MEF2B: variants seen among roughly 807,000 people sequenced by gnomAD.
The protein encoded by MEF2B is myocyte-specific enhancer factor 2B.
A neutral mutation model predicts 32.2 loss-of-function variants in MEF2B; 15 were observed. The observed-to-expected ratio is 0.47, with a 90% CI of 0.31 to 0.72. The LOEUF (loss-of-function observed/expected upper bound fraction) is 0.72, where lower values mean the gene tolerates loss of function less well. MEF2B is among the 30% of genes least tolerant of loss of function. The pLI is 0.05. For missense variants in MEF2B, 441 were observed against 511.5 expected (o/e 0.86, Z 1.33); for synonymous variants, 205 against 225.6 (o/e 0.91, Z 0.82).
chr19:19,150,174 G>GGAA (rs2060063013), intron 2 of MEF2B, among the ~76,000 whole-genome samples: 1 of 108,672 alleles, frequency 9.2e-6, no homozygotes, highest in Non-Finnish European at 1.9e-5. Flanking sequence ...GAGGGAAGGA[G>GGAA]GGAGGGAGGG....
At chr19:19,157,436 C>T (rs368870049) in intron 1 of MEF2B, among the ~76,000 whole-genome samples, 2 of 152,194 alleles carry the variant, frequency 1.3e-5, no homozygotes, top group East Asian at 1.9e-4. Flanking sequence ...GGTGCACTCT[C>T]GCTGCACACA....
Position 19,145,738 on chromosome 19 carries a change from C to T in MEF2B, c.*59G>A, listed in dbSNP as rs759093437. ...GAAGAGGCCTGGAGGGAGGTGGGGTCCCCACGTGCCCTCGCCGTACCTGGC... is the reference window on the plus strand; with the variant it reads ...GAAGAGGCCTGGAGGGAGGTGGGGTTCCCACGTGCCCTCGCCGTACCTGGC... On this transcript the variant is annotated 3_prime_UTR_variant, in exon 9 of 9. Coordinates refer to ENST00000424583, the MANE Select transcript of MEF2B (RefSeq NM_001145785.2). This position sits in a 1 kb window ranked among gnomAD's most constrained non-coding sequence, Gnocchi z 4.6. 137 of 1,558,178 alleles carry T rather than the reference C, an allele frequency of 8.8e-5. 1 individual carries two copies. The highest frequency in any genetic ancestry group is 1.7e-4 in the Middle Eastern group (1 of 5,988).
intron 1 of MEF2B, among the ~76,000 whole-genome samples, chr19:19,151,004 G>A (rs777512035): frequency 6.6e-6 from 1 of 152,226 alleles, no homozygotes; most frequent in Admixed American, 6.5e-5. Context: ...GTGATCCCTA[G>A]CACTTTGGGA....
In MEF2B at chr19:19,147,790, C is replaced by T. The variant is rs1475567233; in HGVS notation, c.301G>A (p.Glu101Lys). 2 of 1,613,832 alleles carry T rather than the reference C, an allele frequency of 1.2e-6. No individual in the cohort carries two copies. The highest frequency in any genetic ancestry group is 1.7e-6 in the Non-Finnish European group (2 of 1,179,992). The stretch of plus-strand genomic sequence containing the variant: ...GGCTCCTCAGGCCCTTCATCCGGCT[C>T]CAGCTCTGGCCCATCGAGGCCAATG... ...RGIGLDGPELEPDEGPEEPGE... is the reference protein window; with the variant it reads ...RGIGLDGPELKPDEGPEEPGE... The change falls in exon 4 of 9, where the codon GAG becomes AAG. Residue 101 changes from glutamate to lysine, a missense_variant. Transcript: ENST00000424583.
chr19:19,158,005 A>G (rs1297187912), intron 1 of MEF2B, among the ~76,000 whole-genome samples: 1 of 151,848 alleles, frequency 6.6e-6, no homozygotes, highest in African/African-American at 2.4e-5. Flanking sequence ...GGGTACACAG[A>G]TATGTTCAGT....
intron 1 of MEF2B, among the ~76,000 whole-genome samples, chr19:19,163,070 C>T (rs2146380162): frequency 6.6e-6 from 1 of 152,304 alleles, no homozygotes; most frequent in Admixed American, 6.5e-5. Flanking sequence ...GGACACCCTT[C>T]TAGGTTTGCC....
chr19:19,168,942 G>A (rs1188204897), intron 1 of MEF2B, among the ~76,000 whole-genome samples: 3 of 151,842 alleles, frequency 2.0e-5, no homozygotes, highest in Admixed American at 6.6e-5. Context: ...CCAGATACTC[G>A]GGAGGCTGAG....
intron 1 of MEF2B, among the ~76,000 whole-genome samples, chr19:19,160,618 G>A (rs907894289): frequency 1.3e-4 from 20 of 150,808 alleles, no homozygotes; most frequent in African/African-American, 4.9e-4. Flanking sequence ...GTGAGAGGCA[G>A]GTGGGTTGGG....
chr19:19,154,921 C>T (rs114981236), intron 1 of MEF2B, among the ~76,000 whole-genome samples: 2,903 of 152,288 alleles, frequency 0.019, 89 homozygotes, highest in African/African-American at 0.066. Context: ...TAGGCCTGTG[C>T]CTTGCACTTT....
chr19:19,152,349 C>G (rs977689164), intron 1 of MEF2B, among the ~76,000 whole-genome samples: 2 of 143,192 alleles, frequency 1.4e-5, no homozygotes, highest in African/African-American at 5.2e-5. Context: ...TCACTGCACT[C>G]CAGCCTGGGT....
At chr19:19,147,869 C>T (rs1377207292) in intron 3 of MEF2B, 37 bp from the exon 4 acceptor site, 1 of 1,590,574 alleles carries the variant, frequency 6.3e-7, no homozygotes, top group Non-Finnish European at 8.6e-7. Context: ...GACCCTTACC[C>T]CTACCCCACC....
chr19:19,165,470 G>T (rs759513059), intron 1 of MEF2B, among the ~76,000 whole-genome samples: 11 of 152,158 alleles, frequency 7.2e-5, no homozygotes, highest in Non-Finnish European at 1.2e-4. Flanking sequence ...GTGGGAGCCA[G>T]GTGGACACAA....
At position 19,145,971 on chromosome 19, in the gene MEF2B, C is replaced by G. The variant is rs1047754097; in HGVS notation, c.933G>C (p.Pro311=). 7.0e-7 allele frequency: 1 copy of G among 1,428,252 alleles called. No individual in the cohort carries two copies. The highest frequency in any genetic ancestry group is 1.5e-5 in the South Asian group (1 of 66,090). The allele number at this position is 1,428,252 out of a possible 1,614,324, so 88.5% of individuals were successfully genotyped here. A position where few individuals can be genotyped will look rare whatever the true frequency, so the allele number is the denominator to read the frequency against. Residue 311 remains proline (P), a synonymous_variant, in exon 9 of 9, where the codon CCG becomes CCC. Transcript: ENST00000424583. This position sits in a 1 kb window ranked among gnomAD's most constrained non-coding sequence, Gnocchi z 4.6. The part of the protein sequence containing the change: ...EEGPPTRGAS[P]PTPPVSIKSE... ...ACTTGATGCTGACTGGGGGGGTCGGCGGGGAGGCGCCGCGGGTTGGGGGAC... is the reference window on the plus strand; with the variant it reads ...ACTTGATGCTGACTGGGGGGGTCGGGGGGGAGGCGCCGCGGGTTGGGGGAC...
intron 1 of MEF2B, among the ~76,000 whole-genome samples, chr19:19,152,387 A>AAAAAAAGAAAAAG (rs1555774946): frequency 3.4e-5 from 5 of 146,684 alleles, no homozygotes; most frequent in African/African-American, 1.3e-4. Flanking sequence ...TCTCAAAAAA[A>AAAAAAAGAAAAAG]AAAAAGAAAA....
chr19:19,158,797 C>T (rs564256047), intron 1 of MEF2B, among the ~76,000 whole-genome samples: 6 of 150,442 alleles, frequency 4.0e-5, no homozygotes, highest in Admixed American at 1.3e-4. Context: ...TTTAGCCAGG[C>T]GTGGTGGTGC....
rs2060025032 is a variant in MEF2B at position 19,146,242 on chromosome 19, C to CT, written c.881+30dup. 1.3e-5 allele frequency: 13 copies of CT among 985,084 alleles called. No homozygotes were observed. In the East Asian group the frequency reaches 4.0e-4, roughly 30 times the overall value. 61.0% of individuals were successfully genotyped at this position (985,084 alleles called of 1,614,324 possible). On this transcript the variant is annotated intron_variant, in intron 8 of 8. Coordinates refer to ENST00000424583, the MANE Select transcript of MEF2B (RefSeq NM_001145785.2). Reference sequence around the variant, plus strand: ...CAGCAGCGGCCGGGGCTTTGGAGGACTGGGACTTGCCGTCGTCTCAGGGCA... The same window carrying CT: ...CAGCAGCGGCCGGGGCTTTGGAGGACTTGGGACTTGCCGTCGTCTCAGGGCA...
chr19:19,162,393 T>TA (rs1258379023), intron 1 of MEF2B, among the ~76,000 whole-genome samples: 4 of 152,078 alleles, frequency 2.6e-5, no homozygotes, highest in Admixed American at 6.5e-5. Flanking sequence ...TCAGCCTCCC[T>TA]AAGTGCTGGG....
At chr19:19,163,548 C>T (rs532027152) in intron 1 of MEF2B, among the ~76,000 whole-genome samples, 3 of 152,336 alleles carry the variant, frequency 2.0e-5, no homozygotes, top group African/African-American at 7.2e-5. Context: ...GCCGGCTTCC[C>T]AGCGCCTAGT....
intron 1 of MEF2B, among the ~76,000 whole-genome samples, chr19:19,162,298 A>G (rs763313545): frequency 9.2e-5 from 14 of 151,868 alleles, no homozygotes; most frequent in Non-Finnish European, 1.6e-4. Context: ...ATGCCAGGCT[A>G]ATTTTTTTTA....
Sources: allele counts gnomAD v4.1 joint callset (sites outside exome capture counted in the v4.1 genomes callset), GRCh38; gene constraint gnomAD v4.1.1; non-coding constraint Gnocchi (gnomAD v3.1); transcripts MANE v1.5; gene names NCBI Gene and HGNC (gene_info 2026-07-23, HGNC 2026-07-21).